MYO10: variants seen among roughly 807,000 people sequenced by gnomAD.
The protein encoded by MYO10 is myosin X.
MYO10 carries 133 observed loss-of-function variants against 257.3 expected under a neutral mutation model. The ratio of observed to expected loss-of-function variants is 0.52; its 90% CI spans 0.45 to 0.60. The LOEUF is 0.60. MYO10 is among the 20% of genes least tolerant of loss of function. MYO10 has a pLI of 0.00. For missense variants in MYO10, 2,399 were observed against 2,635.7 expected, an observed-to-expected ratio of 0.91 and a Z score of 1.97; for synonymous variants, 1,104 against 1,028.6, an observed-to-expected ratio of 1.07 and a Z score of -1.40.
chr5:16,777,115 T>C (rs139846527), intron 9 of MYO10, among the ~76,000 whole-genome samples: 84 of 152,178 alleles, frequency 5.5e-4, no homozygotes, highest in Admixed American at 2.6e-3. Flanking sequence ...AAAGGGCCAA[T>C]ATAAAATTGG....
intron 1 of MYO10, among the ~76,000 whole-genome samples, chr5:16,918,500 CTTTTTT>C (rs5866221): frequency 1.7e-5 from 2 of 117,696 alleles, no homozygotes; most frequent in African/African-American, 6.5e-5. Flanking sequence ...TTTTTCTTTT[CTTTTTT>C]TTTTTTTTTT....
rs1737875638 is a variant in MYO10 at position 16,698,626 on chromosome 5, T to TA, written c.3556+823_3556+824insT. On this transcript the variant is annotated intron_variant, in intron 26 of 40. Coordinates refer to ENST00000513610, the MANE Select transcript of MYO10 (RefSeq NM_012334.3). ...CCCTGGCAGGAGAGAACATGCAGTT[T>TA]TTTTTTTTTTTTTTTGAGACAGCGT... Among the ~76,000 whole-genome samples the TA allele has an allele frequency of 1.2e-3, 166 of 137,692 alleles. 3 individuals carry two copies. Among genetic ancestry groups the TA allele is most frequent in the African/African-American group, 4.5e-3 (149 of 33,092 alleles). 90.3% of individuals were successfully genotyped at this position (137,692 alleles called of 152,430 possible). A position where few individuals can be genotyped will look rare whatever the true frequency, so the allele number is the denominator to read the frequency against.
intron 19 of MYO10, among the ~76,000 whole-genome samples, chr5:16,730,628 C>T (rs529455415): frequency 1.3e-5 from 2 of 152,288 alleles, no homozygotes; most frequent in East Asian, 1.9e-4. Context: ...AGGGACATCA[C>T]GGGGCAGTGT....
chr5:16,776,256 A>G (rs1354567050), intron 9 of MYO10, among the ~76,000 whole-genome samples: 1 of 152,132 alleles, frequency 6.6e-6, no homozygotes, highest in African/African-American at 2.4e-5. Context: ...GTATATAGAA[A>G]GGAATATATT....
chr5:16,703,795 T>C (rs560197416), intron 22 of MYO10, among the ~76,000 whole-genome samples: 3 of 143,590 alleles, frequency 2.1e-5, no homozygotes, highest in Non-Finnish European at 4.5e-5. Flanking sequence ...GGCAGGAGAA[T>C]CACTTGAACC....
chr5:16,766,796 G>A lies in MYO10; in HGVS notation c.1061-598C>T, dbSNP rs1446229419. Among the ~76,000 whole-genome samples the A allele has an allele frequency of 3.8e-5, 5 of 131,222 alleles. No homozygotes were observed. The Admixed American group carries it at 4.3e-4, about 11-fold the overall frequency. The allele number at this position is 131,222 out of a possible 152,430, so 86.1% of individuals were successfully genotyped here. On this transcript the variant is annotated intron_variant, in intron 10 of 40. Coordinates refer to ENST00000513610, the MANE Select transcript of MYO10 (RefSeq NM_012334.3). Reference sequence around the variant, plus strand: ...TTTTTTTTTTTTTTTTTGAGATGGAGTCTCACTCTGTAGCCCAGGCTGGAG... The same window carrying A: ...TTTTTTTTTTTTTTTTTGAGATGGAATCTCACTCTGTAGCCCAGGCTGGAG...
At chr5:16,685,583 C>T (rs747781207) in intron 29 of MYO10, among the ~76,000 whole-genome samples, 155 bp downstream of exon 29, 9 of 152,092 alleles carry the variant, frequency 5.9e-5, no homozygotes, top group Admixed American at 1.3e-4. Context: ...ATTCTAAACT[C>T]AAATGGTCCT....
intron 28 of MYO10, among the ~76,000 whole-genome samples, chr5:16,687,137 T>G (rs1737289145): frequency 6.6e-6 from 1 of 151,666 alleles, no homozygotes; most frequent in Non-Finnish European, 1.5e-5. Flanking sequence ...GCCTGGGAAA[T>G]TTACTGAGGC....
At chr5:16,741,640 G>C (rs1579937558) in intron 19 of MYO10, among the ~76,000 whole-genome samples, 1 of 152,166 alleles carries the variant, frequency 6.6e-6, no homozygotes, top group Non-Finnish European at 1.5e-5. Context: ...GTTCAAACTT[G>C]TACATGCAAT....
chr5:16,760,173 CGGGCATGGTGGCTCAT>C (rs1740662408), intron 17 of MYO10, among the ~76,000 whole-genome samples: 1 of 151,616 alleles, frequency 6.6e-6, no homozygotes, highest in Non-Finnish European at 1.5e-5. Flanking sequence ...ACACTTCCGC[CGGGCATGGTGGCTCAT>C]GCCTGTAATC....
intron 1 of MYO10, among the ~76,000 whole-genome samples, chr5:16,927,915 A>G (rs7735036): frequency 0.076 from 11,643 of 152,204 alleles, 533 homozygotes; most frequent in East Asian, 0.15. Flanking sequence ...AGGCAGCAAA[A>G]TGTTTTATTC....
chr5:16,840,627 T>C (rs1434881232), intron 2 of MYO10, among the ~76,000 whole-genome samples: 1 of 152,030 alleles, frequency 6.6e-6, no homozygotes, highest in East Asian at 1.9e-4. Context: ...CACCAAATCA[T>C]ACACATAAAT....
intron 19 of MYO10, among the ~76,000 whole-genome samples, chr5:16,722,780 CTT>C (rs1188146982): frequency 1.3e-5 from 2 of 152,086 alleles, no homozygotes; most frequent in Non-Finnish European, 2.9e-5. Context: ...TTGGGGATAA[CTT>C]TGATACAACA....
chr5:16,829,250 C>G (rs868830170), intron 2 of MYO10, among the ~76,000 whole-genome samples: 2 of 152,300 alleles, frequency 1.3e-5, no homozygotes, highest in Non-Finnish European at 2.9e-5. Context: ...TGGGTGCTGC[C>G]TGGCTTCTGA....
At chr5:16,823,448 C>CGGGGGG (rs1236276075) in intron 2 of MYO10, among the ~76,000 whole-genome samples, 1 of 4,972 alleles carries the variant, frequency 2.0e-4, no homozygotes, top group Non-Finnish European at 3.8e-4. Flanking sequence ...CCATCTTGCG[C>CGGGGGG]GGGGGGGGGG....
At chr5:16,690,056 T>A in intron 27 of MYO10, 137 bp from the exon 28 acceptor site, 2 of 653,212 alleles carry the variant, frequency 3.1e-6, no homozygotes, top group Non-Finnish European at 5.5e-6. Context: ...TGGCTCTCCA[T>A]ATCTGCGAGT....
intron 2 of MYO10, among the ~76,000 whole-genome samples, chr5:16,876,053 C>CCA (rs1476127077): frequency 6.6e-6 from 1 of 152,144 alleles, no homozygotes; most frequent in East Asian, 1.9e-4. Context: ...GCGAAGGTTA[C>CCA]AGTGAACCAA....
At chr5:16,881,528 A>C (rs1363575916) in intron 1 of MYO10, among the ~76,000 whole-genome samples, 1 of 152,222 alleles carries the variant, frequency 6.6e-6, no homozygotes, top group Non-Finnish European at 1.5e-5. Flanking sequence ...TCCACAGCCC[A>C]TTGGCCAGTT....
chr5:16,816,544 T>TA (rs1174127768), intron 3 of MYO10, among the ~76,000 whole-genome samples: 2 of 151,482 alleles, frequency 1.3e-5, no homozygotes, highest in Non-Finnish European at 3.0e-5. Flanking sequence ...TTTCTTTTTT[T>TA]TTTTTTTGAG....
Sources: allele counts gnomAD v4.1 joint callset (sites outside exome capture counted in the v4.1 genomes callset), GRCh38; gene constraint gnomAD v4.1.1; transcripts MANE v1.5; gene names NCBI Gene and HGNC (gene_info 2026-07-23, HGNC 2026-07-21).